The following PRKCI variants were observed in gnomAD, a reference collection of about 807,000 sequenced individuals.
The protein encoded by PRKCI is protein kinase C iota.
Under a neutral mutation model 84.0 loss-of-function variants are expected in PRKCI, and 43 were observed. The ratio of observed to expected loss-of-function variants is 0.51; its 90% CI spans 0.40 to 0.66. The LOEUF (loss-of-function observed/expected upper bound fraction) is 0.66, where lower values mean the gene tolerates loss of function less well. Among genes scored for constraint, PRKCI ranks in the 30% least tolerant of loss-of-function variants. PRKCI has a pLI of 0.00. For missense variants in PRKCI, 459 were observed against 745.6 expected (o/e 0.62, Z 4.48); for synonymous variants, 216 against 234.4 (o/e 0.92, Z 0.72).
intron 12 of PRKCI, among the ~76,000 whole-genome samples, chr3:170,286,811 CTTT>C (rs74869773): frequency 2.1e-5 from 3 of 139,950 alleles, no homozygotes; most frequent in African/African-American, 2.6e-5. Flanking sequence ...TTTTTACTTT[CTTT>C]TTTTTTTTTT....
chr3:170,222,441 G>A lies in PRKCI; in HGVS notation c.-229G>A, dbSNP rs773097863. Reference sequence around the variant, plus strand: ...GAGGGACCGACGCAGGAGGTGTCTTGGGCCCGGGCGGCTGTAGAGGCGGCG... The same window carrying A: ...GAGGGACCGACGCAGGAGGTGTCTTAGGCCCGGGCGGCTGTAGAGGCGGCG... On this transcript the variant is annotated 5_prime_UTR_variant, in exon 1 of 18. Transcript: ENST00000295797. The A allele has an allele frequency of 6.7e-5, 30 of 449,372 alleles. No individual in the cohort carries two copies. Among genetic ancestry groups the A allele is most frequent in the Admixed American group, 4.0e-4 (9 of 22,404 alleles). 27.8% of individuals were successfully genotyped at this position (449,372 alleles called of 1,614,324 possible). A position where few individuals can be genotyped will look rare whatever the true frequency, so the allele number is the denominator to read the frequency against.
At chr3:170,231,325 A>T (rs1297442607) in intron 1 of PRKCI, among the ~76,000 whole-genome samples, 1 of 152,016 alleles carries the variant, frequency 6.6e-6, no homozygotes, top group Non-Finnish European at 1.5e-5. Flanking sequence ...CCTATTACAT[A>T]CTGTTTTCTT....
chr3:170,263,905 A>G (rs144574084), intron 4 of PRKCI, among the ~76,000 whole-genome samples: 50 of 152,348 alleles, frequency 3.3e-4, no homozygotes, highest in African/African-American at 1.1e-3. Flanking sequence ...ACTTTGCCAG[A>G]TCAAATTCAG....
At chr3:170,253,149 T>C (rs773477084) in intron 2 of PRKCI, among the ~76,000 whole-genome samples, 1 of 152,220 alleles carries the variant, frequency 6.6e-6, no homozygotes, top group Admixed American at 6.5e-5. Flanking sequence ...GCAATAAATA[T>C]GGGAGTGTAC....
In PRKCI at chr3:170,243,712, G is replaced by C. The variant is rs192206988; in HGVS notation, c.223+8361G>C. 7.2e-4 allele frequency among the ~76,000 whole-genome samples: 109 copies of C among 152,336 alleles called. 1 individual carries two copies. The East Asian group carries it at 8.9e-3, about 12-fold the overall frequency. ...AGGAAATTGATTCCTTTTAAAAACT[G>C]TCTATGCCTGTTAGTCCCTGAAAAG... On this transcript the variant is annotated intron_variant, in intron 2 of 17. Transcript: ENST00000295797.
rs1732940525 is a variant in PRKCI at position 170,235,268 on chromosome 3, T to C, written c.140T>C (p.Phe47Ser). Reference sequence around the variant, plus strand: ...ACACATTTTGAACCTTCCATCTCCTTTGAGGGCCTTTGCAATGAGGTTCGA... The same window carrying C: ...ACACATTTTGAACCTTCCATCTCCTCTGAGGGCCTTTGCAATGAGGTTCGA... ...MITHFEPSISFEGLCNEVRDM... is the reference protein window; with the variant it reads ...MITHFEPSISSEGLCNEVRDM... The change falls in exon 2 of 18, where the codon TTT becomes TCT. Residue 47 changes from phenylalanine (F) to serine (S), a missense_variant. Phe to Ser is a radical substitution (Grantham distance 155). This residue lies in a region of PRKCI where 250 missense variants were observed against 319.7 expected (regional missense o/e 0.78). Coordinates refer to ENST00000295797, the MANE Select transcript of PRKCI (RefSeq NM_002740.6). 6.2e-7 allele frequency: 1 copy of C among 1,613,852 alleles called. No homozygotes were observed. The highest frequency in any genetic ancestry group is 1.7e-5 in the Admixed American group (1 of 59,980).
chr3:170,268,313 C>T (rs868726452), intron 5 of PRKCI, among the ~76,000 whole-genome samples: 29 of 152,194 alleles, frequency 1.9e-4, no homozygotes, highest in Middle Eastern at 3.4e-3. Context: ...AACCTTATCT[C>T]TATTAAAAAT....
intron 17 of PRKCI, among the ~76,000 whole-genome samples, chr3:170,301,085 T>C (rs1036536110): frequency 6.6e-6 from 1 of 152,198 alleles, no homozygotes; most frequent in Non-Finnish European, 1.5e-5. Context: ...AAAGGTGTTA[T>C]GGTAAATACT....
intron 1 of PRKCI, among the ~76,000 whole-genome samples, chr3:170,227,368 A>G (rs977217619): frequency 6.6e-5 from 10 of 152,200 alleles, no homozygotes; most frequent in African/African-American, 2.4e-4. Context: ...CTCTGCCTTT[A>G]AGGAATTAAG....
At chr3:170,251,036 A>G (rs146438975) in intron 2 of PRKCI, among the ~76,000 whole-genome samples, 1,947 of 152,328 alleles carry the variant, frequency 0.013, 47 homozygotes, top group African/African-American at 0.044. Context: ...ATCAGAAAGT[A>G]TATTCAAAGA....
intron 12 of PRKCI, among the ~76,000 whole-genome samples, chr3:170,291,007 A>G (rs1734536705): frequency 6.6e-6 from 1 of 152,096 alleles, no homozygotes; most frequent in Admixed American, 6.6e-5. Context: ...GTGGTGGCAC[A>G]CGCCTATAAT....
chr3:170,248,685 T>G (rs1409359552), intron 2 of PRKCI, among the ~76,000 whole-genome samples: 1 of 152,170 alleles, frequency 6.6e-6, no homozygotes, highest in Non-Finnish European at 1.5e-5. Flanking sequence ...ACTCTTATTT[T>G]CATACTTCCT....
intron 8 of PRKCI, among the ~76,000 whole-genome samples, chr3:170,275,639 C>T (rs1240764833): frequency 1.3e-5 from 2 of 152,010 alleles, no homozygotes; most frequent in African/African-American, 2.4e-5. Flanking sequence ...AATGATTAAA[C>T]ATATTAACTG....
chr3:170,271,647 G>T (rs1242903882), intron 6 of PRKCI, among the ~76,000 whole-genome samples: 1 of 151,614 alleles, frequency 6.6e-6, no homozygotes, highest in African/African-American at 2.4e-5. Flanking sequence ...GTAAAATTTT[G>T]CTCATTACTT....
At chr3:170,265,037 A>G (rs1733823761) in intron 4 of PRKCI, among the ~76,000 whole-genome samples, 1 of 151,888 alleles carries the variant, frequency 6.6e-6, no homozygotes, top group East Asian at 1.9e-4. Context: ...AATACTAAAA[A>G]AGTTAGCTGG....
chr3:170,275,186 CCT>C (rs1734083676), intron 7 of PRKCI, 41 bp from the exon 8 acceptor site: 4 of 1,272,300 alleles, frequency 3.1e-6, no homozygotes, highest in South Asian at 2.0e-5. Context: ...TTCTCCTGCA[CCT>C]TTTTTTTTTT....
intron 5 of PRKCI, among the ~76,000 whole-genome samples, chr3:170,269,661 T>G (rs539751401): frequency 6.6e-6 from 1 of 151,536 alleles, no homozygotes. Context: ...AATAAATAAA[T>G]AAATAAAAAG....
chr3:170,271,781 C>T (rs1050914736), intron 6 of PRKCI, among the ~76,000 whole-genome samples: 2 of 152,012 alleles, frequency 1.3e-5, no homozygotes. Context: ...GTTTTTGAGT[C>T]GACTTTACAG....
At chr3:170,232,840 C>T (rs912792576) in intron 1 of PRKCI, among the ~76,000 whole-genome samples, 2 of 152,176 alleles carry the variant, frequency 1.3e-5, no homozygotes, top group African/African-American at 4.8e-5. Context: ...CTTGCCCAGC[C>T]AAAACTGGAC....
Sources: allele counts gnomAD v4.1 joint callset (sites outside exome capture counted in the v4.1 genomes callset), GRCh38; gene constraint gnomAD v4.1.1; regional missense constraint gnomAD v4.1.1; transcripts MANE v1.5; gene names NCBI Gene and HGNC (gene_info 2026-07-23, HGNC 2026-07-21).